SPON1: variants seen among roughly 807,000 people sequenced by gnomAD.
SPON1 encodes spondin 1.
Under a neutral mutation model 111.7 loss-of-function variants are expected in SPON1, and 52 were observed. The ratio of observed to expected loss-of-function variants is 0.47; its 90% CI spans 0.37 to 0.59. The LOEUF (loss-of-function observed/expected upper bound fraction) is 0.59. SPON1 is among the 20% of genes least tolerant of loss of function. SPON1 has a pLI of 0.00. For synonymous variants in SPON1, 410 were observed against 395.8 expected (o/e 1.04, Z -0.43); for missense variants, 957 against 1,068.5 (o/e 0.90, Z 1.46).
At chr11:14,122,923 T>C (rs80256157) in intron 5 of SPON1, among the ~76,000 whole-genome samples, 3,117 of 147,746 alleles carry the variant, frequency 0.021, 105 homozygotes, top group African/African-American at 0.074. Flanking sequence ...GCCTTTATAC[T>C]GCTCTTGTAA....
At chr11:14,012,609 G>A (rs538051000) in intron 2 of SPON1, among the ~76,000 whole-genome samples, 25 of 152,202 alleles carry the variant, frequency 1.6e-4, no homozygotes, top group Non-Finnish European at 2.4e-4. Context: ...AAACAGACTC[G>A]TCTTTCAAGA....
rs562724992 is a variant in SPON1, at chr11:14,023,894, T to C, written c.346-17627T>C. Among the ~76,000 whole-genome samples, 742 of 151,332 alleles carry C rather than the reference T, an allele frequency of 4.9e-3. 2 individuals carry two copies. Among genetic ancestry groups the C allele is most frequent in the Non-Finnish European group, 7.8e-3 (529 of 67,808 alleles). The stretch of plus-strand genomic sequence containing the variant: ...GTGGGCGCCTGTAATCCCAGCTACT[T>C]GGGAGGCTGAGGCAGGAGAATCACT... On this transcript the variant is annotated intron_variant, in intron 2 of 15. Coordinates refer to ENST00000576479, the MANE Select transcript of SPON1 (RefSeq NM_006108.4).
intron 5 of SPON1, among the ~76,000 whole-genome samples, chr11:14,126,486 C>A (rs1847460757): frequency 6.6e-6 from 1 of 152,198 alleles, no homozygotes. Context: ...GACAAATGCA[C>A]CTGGTTGGCC....
At chr11:14,207,334 A>G (rs1477166196) in intron 6 of SPON1, among the ~76,000 whole-genome samples, 1 of 152,224 alleles carries the variant, frequency 6.6e-6, no homozygotes, top group Admixed American at 6.5e-5. Flanking sequence ...AAAGAAGCCA[A>G]AAGCAATTGC....
At chr11:14,216,519 G>C (rs1415248304) in intron 6 of SPON1, among the ~76,000 whole-genome samples, 2 of 152,130 alleles carry the variant, frequency 1.3e-5, no homozygotes, top group Non-Finnish European at 2.9e-5. Flanking sequence ...TCTGTTTTTT[G>C]TTTCTATAAC....
intron 5 of SPON1, among the ~76,000 whole-genome samples, chr11:14,123,649 C>G (rs1009288734): frequency 1.3e-5 from 2 of 152,198 alleles, no homozygotes; most frequent in African/African-American, 2.4e-5. Context: ...TTTAAGGGGA[C>G]TTCTATGCAT....
chr11:14,185,991 G>A (rs782170625), intron 6 of SPON1, among the ~76,000 whole-genome samples: 8 of 152,324 alleles, frequency 5.3e-5, no homozygotes, highest in Middle Eastern at 3.4e-3. Context: ...ATAACAATAT[G>A]CATCTCCCTG....
At chr11:14,145,515 A>T (rs1554929225) in intron 6 of SPON1, among the ~76,000 whole-genome samples, 1 of 152,222 alleles carries the variant, frequency 6.6e-6, no homozygotes, top group Non-Finnish European at 1.5e-5. Flanking sequence ...CAATTTAGCA[A>T]TATCTATCAA....
At chr11:14,132,270 T>G (rs1847537418) in intron 5 of SPON1, among the ~76,000 whole-genome samples, 1 of 150,628 alleles carries the variant, frequency 6.6e-6, no homozygotes, top group African/African-American at 2.4e-5. Context: ...AGTACAAGAC[T>G]CCGTCTCAAA....
At chr11:14,041,477 C>A in intron 2 of SPON1, 44 bp from the exon 3 acceptor site, 1 of 1,605,174 alleles carries the variant, frequency 6.2e-7, no homozygotes, top group South Asian at 1.1e-5. Context: ...AGCGCCCTCT[C>A]AAAATGATGT....
chr11:14,187,724 C>T (rs1848301467), intron 6 of SPON1, among the ~76,000 whole-genome samples: 4 of 152,226 alleles, frequency 2.6e-5, no homozygotes, highest in Admixed American at 1.3e-4. Flanking sequence ...AAGCAATTCT[C>T]CTGCCTCAGC....
At chr11:14,016,018 A>T (rs532392268) in intron 2 of SPON1, among the ~76,000 whole-genome samples, 2 of 152,306 alleles carry the variant, frequency 1.3e-5, no homozygotes, top group African/African-American at 4.8e-5. Flanking sequence ...ATAGTTGATG[A>T]CTTATTCTCT....
chr11:14,230,805 G>A (rs1461347907), intron 6 of SPON1, among the ~76,000 whole-genome samples: 1 of 150,600 alleles, frequency 6.6e-6, no homozygotes, highest in Admixed American at 6.6e-5. Flanking sequence ...CGTGGTGGTG[G>A]TGAGACAGGG....
chr11:14,019,775 T>C lies in SPON1; in HGVS notation c.346-21746T>C, dbSNP rs918040884. 1.1e-4 allele frequency among the ~76,000 whole-genome samples: 17 copies of C among 152,278 alleles called. No homozygotes were observed. In the East Asian group the frequency reaches 1.4e-3, roughly 12 times the overall value. On this transcript the variant is annotated intron_variant, in intron 2 of 15. Coordinates refer to ENST00000576479, the MANE Select transcript of SPON1 (RefSeq NM_006108.4). ...TCTCTTCTATTCCATAAAATGGCTG[T>C]GCTAGCTCCTCCGGTTCATAAATTG... is the stretch of plus-strand genomic sequence containing the variant.
rs552975083 is a variant in SPON1 at position 14,209,418 on chromosome 11, C to A, written c.826-33914C>A. Among the ~76,000 whole-genome samples, 20 of 152,272 alleles carry A rather than the reference C, an allele frequency of 1.3e-4. 1 individual carries two copies. In the East Asian group the frequency reaches 3.3e-3, roughly 25 times the overall value. ...TAATGCTATCCCTCCCCTAGCCCCCCACACCCCGACAGGCCCCGGTGTGTG... is the reference window on the plus strand; with the variant it reads ...TAATGCTATCCCTCCCCTAGCCCCCAACACCCCGACAGGCCCCGGTGTGTG... On this transcript the variant is annotated intron_variant, in intron 6 of 15. Transcript: ENST00000576479.
rs782155718 is a variant in SPON1 at position 14,052,613 on chromosome 11, T to A, written c.479+10959T>A. Among the ~76,000 whole-genome samples, 21 of 152,246 alleles carry A rather than the reference T, an allele frequency of 1.4e-4. 1 individual carries two copies. In the South Asian group the frequency reaches 3.9e-3, roughly 29 times the overall value. ...TTGGGAGAGCAGTTGGAAAGACCAA[T>A]GCCATGGCTAAATGAAAACATGTGC... On this transcript the variant is annotated intron_variant, in intron 3 of 15. Transcript: ENST00000576479.
At chr11:14,147,866 A>C (rs1371376776) in intron 6 of SPON1, among the ~76,000 whole-genome samples, 1 of 152,126 alleles carries the variant, frequency 6.6e-6, no homozygotes, top group Non-Finnish European at 1.5e-5. Context: ...ATCAAAACAC[A>C]TGGACAGGTC....
chr11:14,207,583 A>G (rs1172447642), intron 6 of SPON1, among the ~76,000 whole-genome samples: 1 of 152,220 alleles, frequency 6.6e-6, no homozygotes, highest in Non-Finnish European at 1.5e-5. Flanking sequence ...AAAAGAAGAC[A>G]TATGCGACTA....
intron 6 of SPON1, among the ~76,000 whole-genome samples, chr11:14,199,808 C>T (rs910794260): frequency 6.6e-6 from 1 of 152,188 alleles, no homozygotes. Context: ...CTGGAGGGTG[C>T]AAGCCCTCAG....
Sources: gnomAD v4.1 joint callset for allele counts (sites outside exome capture counted in the v4.1 genomes callset) on GRCh38, gnomAD v4.1.1 for gene constraint, MANE v1.5 for transcripts, NCBI Gene and HGNC (gene_info 2026-07-23, HGNC 2026-07-21) for gene names.